ACTN4: variants seen among roughly 807,000 people sequenced by gnomAD.
ACTN4 encodes alpha-actinin-4.
In ACTN4, 18 loss-of-function variants were observed where a neutral mutation model predicts 114.2. The ratio of observed to expected loss-of-function variants is 0.16; its 90% CI spans 0.11 to 0.23. The LOEUF is 0.23. ACTN4 is among the 10% of genes least tolerant of loss of function. ACTN4 has a pLI of 1.00. For synonymous variants in ACTN4, 515 were observed against 506.3 expected, an observed-to-expected ratio of 1.02 and a Z score of -0.23; for missense variants, 722 against 1,262.9, an observed-to-expected ratio of 0.57 and a Z score of 6.49.
At chr19:38,678,019 G>A (rs1967433756) in intron 1 of ACTN4, among the ~76,000 whole-genome samples, 3 of 152,060 alleles carry the variant, frequency 2.0e-5, no homozygotes, top group Non-Finnish European at 4.4e-5. Flanking sequence ...GAGCCACCGC[G>A]CCTGGCCAAA....
intron 1 of ACTN4, among the ~76,000 whole-genome samples, chr19:38,669,099 AC>A (rs1967055552): frequency 1.3e-5 from 2 of 151,926 alleles, no homozygotes; most frequent in Non-Finnish European, 2.9e-5. Context: ...CGATTCTCCT[AC>A]CTCAGCCTCC....
Position 38,679,125 on chromosome 19 carries a change from C to G in ACTN4, c.163-21475C>G, listed in dbSNP as rs149722877. On this transcript the variant is annotated intron_variant, in intron 1 of 20. Coordinates refer to ENST00000252699, the MANE Select transcript of ACTN4 (RefSeq NM_004924.6). ...GTATGGCCTCCAAGCTGGGTTACATCCTGGGAAAAAGACACGTGCTTGGCT... is the reference window on the plus strand; with the variant it reads ...GTATGGCCTCCAAGCTGGGTTACATGCTGGGAAAAAGACACGTGCTTGGCT... 1.1e-4 allele frequency among the ~76,000 whole-genome samples: 16 copies of G among 152,260 alleles called. No homozygotes were observed. The East Asian group carries it at 2.9e-3, about 28-fold the overall frequency.
At chr19:38,664,459 C>T (rs1200031232) in intron 1 of ACTN4, among the ~76,000 whole-genome samples, 1 of 152,104 alleles carries the variant, frequency 6.6e-6, no homozygotes, top group Non-Finnish European at 1.5e-5. Context: ...TGTGTTTCTC[C>T]CCACTTCAGA....
chr19:38,716,949 T>C, intron 9 of ACTN4, 137 bp from the exon 10 acceptor site: 1 of 946,582 alleles, frequency 1.1e-6, no homozygotes, highest in Non-Finnish European at 1.6e-6. Flanking sequence ...GTGGAGAAGT[T>C]GGGCTGGGGA....
intron 1 of ACTN4, among the ~76,000 whole-genome samples, chr19:38,691,415 C>A (rs28517422): frequency 0.12 from 8,729 of 70,852 alleles, 414 homozygotes; most frequent in Non-Finnish European, 0.17. Flanking sequence ...AAAAAAAAAA[C>A]AAAAAAAACA....
At position 38,647,837 on chromosome 19, in the gene ACTN4, A is replaced by C; in HGVS notation, c.92A>C (p.Tyr31Ser). 1 of 1,552,552 alleles carries C rather than the reference A, an allele frequency of 6.4e-7. No individual in the cohort carries two copies. Among genetic ancestry groups the C allele is most frequent in the Non-Finnish European group, 8.7e-7 (1 of 1,150,332 alleles). The change falls in exon 1 of 21, where the codon TAC becomes TCC. Residue 31 changes from tyrosine to serine, a missense_variant. Around this residue, in one of 3 missense-constraint regions of ACTN4, gnomAD observed 72 missense variants for 75.6 expected, o/e 0.95. Coordinates refer to ENST00000252699, the MANE Select transcript of ACTN4 (RefSeq NM_004924.6). ...GGCGGCGGGGGCAGCATGGGCGACT[A>C]CATGGCCCAGGAGGACGACTGGGAC... ...GAGGGGSMGDYMAQEDDWDRD... is the reference protein window; with the variant it reads ...GAGGGGSMGDSMAQEDDWDRD...
At chr19:38,658,843 G>A (rs577562056) in intron 1 of ACTN4, among the ~76,000 whole-genome samples, 6 of 151,736 alleles carry the variant, frequency 4.0e-5, no homozygotes, top group Non-Finnish European at 7.4e-5. Context: ...TTTTTGGATC[G>A]TTTGAGCTAC....
In ACTN4 at chr19:38,724,023, C is replaced by T. The variant is rs527527101; in HGVS notation, c.1638C>T (p.Ser546=). The change falls in exon 14 of 21, where the codon AGC becomes AGT. Residue 546 remains serine, a synonymous_variant. Transcript: ENST00000252699. This position sits in a 1 kb window ranked among gnomAD's most constrained non-coding sequence, Gnocchi z 7.0. ...RAAPFNNWME[S]AMEDLQDMFI... is the part of the protein sequence containing the mutation. ...CCCCCTTCAACAACTGGATGGAGAG[C>T]GCCATGGAGGACCTCCAGGACATGT... The T allele has an allele frequency of 1.3e-5, 21 of 1,613,864 alleles. No individual in the cohort carries two copies. Among genetic ancestry groups the T allele is most frequent in the Non-Finnish European group, 1.7e-5 (20 of 1,179,992 alleles).
At chr19:38,686,781 GGGTT>G (rs1003232310) in intron 1 of ACTN4, among the ~76,000 whole-genome samples, 6 of 152,044 alleles carry the variant, frequency 3.9e-5, no homozygotes, top group Admixed American at 6.6e-5. Context: ...TGAGTGGTTT[GGGTT>G]GGTTGGTTGG....
chr19:38,690,672 C>G (rs1488865443), intron 1 of ACTN4, among the ~76,000 whole-genome samples: 3 of 152,208 alleles, frequency 2.0e-5, no homozygotes, highest in Non-Finnish European at 2.9e-5. Context: ...AACTCCTGAC[C>G]TCGTGATCTG....
chr19:38,707,255 AGT>A (rs1167174851), intron 5 of ACTN4, among the ~76,000 whole-genome samples: 1 of 151,804 alleles, frequency 6.6e-6, no homozygotes, highest in Non-Finnish European at 1.5e-5. Context: ...TCAACTAGTA[AGT>A]ATCTAGCATG....
chr19:38,696,457 G>T (rs908179853), intron 1 of ACTN4, among the ~76,000 whole-genome samples: 1 of 152,088 alleles, frequency 6.6e-6, no homozygotes, highest in East Asian at 1.9e-4. Context: ...TCCACCCCAC[G>T]CAGCGTAGTC....
intron 1 of ACTN4, among the ~76,000 whole-genome samples, chr19:38,656,314 G>T (rs369173909): frequency 9.2e-5 from 14 of 152,110 alleles, no homozygotes; most frequent in African/African-American, 3.1e-4. Flanking sequence ...GTTTTGCTGT[G>T]TTGCCCAGTC....
intron 1 of ACTN4, among the ~76,000 whole-genome samples, chr19:38,692,633 G>GT (rs1453591740): frequency 1.3e-5 from 2 of 152,202 alleles, no homozygotes; most frequent in Non-Finnish European, 2.9e-5. Context: ...CTGGGGAGCC[G>GT]TTTCTGCTTT....
intron 1 of ACTN4, among the ~76,000 whole-genome samples, chr19:38,661,866 A>G (rs1232208320): frequency 1.4e-4 from 22 of 152,178 alleles, no homozygotes; most frequent in Admixed American, 1.4e-3. Context: ...GTTAACCAGG[A>G]TGGTCTTGAT....
rs1265399605 is a variant in ACTN4 at position 38,725,807 on chromosome 19, G to A, written c.2094G>A (p.Val698=). 6.2e-7 allele frequency: 1 copy of A among 1,614,034 alleles called. No homozygotes were observed. The highest frequency in any genetic ancestry group is 1.3e-5 in the African/African-American group (1 of 74,940). ...TGAAGCAGTATGAACGCAGCATCGT[G>A]GACTACAAGCCCAACCTGGACCTGC... ...SHLKQYERSI[V]DYKPNLDLLE... The change falls in exon 17 of 21, where the codon GTG becomes GTA. Residue 698 remains valine (V), a synonymous_variant. Transcript: ENST00000252699.
At chr19:38,707,640 T>C (rs774126026) in intron 5 of ACTN4, among the ~76,000 whole-genome samples, 46 of 152,152 alleles carry the variant, frequency 3.0e-4, no homozygotes, top group Non-Finnish European at 5.0e-4. Context: ...GGCCTTCCTG[T>C]AAGTCAGGTC....
At chr19:38,662,904 G>C (rs1278346180) in intron 1 of ACTN4, among the ~76,000 whole-genome samples, 2 of 148,334 alleles carry the variant, frequency 1.3e-5, no homozygotes, top group South Asian at 2.2e-4. Flanking sequence ...GAGCAAAGTG[G>C]GTCTGTTTTT....
rs973730373 is a variant in ACTN4 at position 38,647,997 on chromosome 19, C to G, written c.162+90C>G. Reference sequence around the variant, plus strand: ...AGGTCCTGAAAGGTAACTGGAGCGTCTGTGATGGGAACGGGGGGGTCCCGA... The same window carrying G: ...AGGTCCTGAAAGGTAACTGGAGCGTGTGTGATGGGAACGGGGGGGTCCCGA... On this transcript the variant is annotated intron_variant, in intron 1 of 20. Transcript: ENST00000252699. The G allele has an allele frequency of 4.6e-5, 62 of 1,345,880 alleles. No homozygotes were observed. In the African/African-American group the frequency reaches 8.5e-4, roughly 18 times the overall value. The allele number at this position is 1,345,880 out of a possible 1,614,324, so 83.4% of individuals were successfully genotyped here. A position where few individuals can be genotyped will look rare whatever the true frequency, so the allele number is the denominator to read the frequency against.
Sources: gnomAD v4.1 joint callset for allele counts (sites outside exome capture counted in the v4.1 genomes callset) on GRCh38, gnomAD v4.1.1 for gene constraint, gnomAD v4.1.1 regional missense constraint, Gnocchi (gnomAD v3.1) non-coding constraint, MANE v1.5 for transcripts, NCBI Gene and HGNC (gene_info 2026-07-23, HGNC 2026-07-21) for gene names.